TFEC: variants seen among roughly 807,000 people sequenced by gnomAD.
The protein encoded by TFEC is class E basic helix-loop-helix protein 34.
A neutral mutation model predicts 41.6 loss-of-function variants in TFEC; 31 were observed. The observed-to-expected ratio is 0.74, with a 90% CI of 0.56 to 1.01. TFEC has a LOEUF of 1.01. TFEC is among the 50% of genes least tolerant of loss of function. The pLI, the probability that TFEC is intolerant of heterozygous loss-of-function variation, is 0.00. For missense variants in TFEC, 402 were observed against 404.1 expected (o/e 0.99, Z 0.04); for synonymous variants, 143 against 140.6 (o/e 1.02, Z -0.12).
intron 1 of TFEC, among the ~76,000 whole-genome samples, chr7:116,112,940 C>T (rs1315957111): frequency 6.6e-6 from 1 of 151,906 alleles, no homozygotes; most frequent in African/African-American, 2.4e-5. Context: ...AGCTAGTGAG[C>T]TTGATTTTTA....
chr7:116,006,475 G>A (rs1273457155), intron 1 of TFEC, among the ~76,000 whole-genome samples: 1 of 152,136 alleles, frequency 6.6e-6, no homozygotes, highest in Admixed American at 6.5e-5. Context: ...ATTTGCATAG[G>A]GCCTGTAGCC....
At chr7:115,990,892 T>C (rs911418179) in intron 1 of TFEC, among the ~76,000 whole-genome samples, 16 of 152,114 alleles carry the variant, frequency 1.1e-4, no homozygotes, top group African/African-American at 3.9e-4. Context: ...GCCACAAAGA[T>C]ACTCCTCGAG....
chr7:116,148,037 T>G (rs1254145641), intron 1 of TFEC, among the ~76,000 whole-genome samples: 1 of 152,130 alleles, frequency 6.6e-6, no homozygotes, highest in East Asian at 1.9e-4. Flanking sequence ...GTCTACAAAT[T>G]TAAATAGGGC....
intron 3 of TFEC, among the ~76,000 whole-genome samples, chr7:115,958,748 G>C (rs190347202): frequency 6.6e-6 from 1 of 151,652 alleles, no homozygotes; most frequent in East Asian, 1.9e-4. Context: ...TTCTGATCTT[G>C]GTTATTGTCT....
intron 7 of TFEC, 25 bp from the exon 8 acceptor site, chr7:115,940,956 A>G (rs1441694709): frequency 6.5e-7 from 1 of 1,538,544 alleles, no homozygotes; most frequent in Non-Finnish European, 8.8e-7. Context: ...GAAAATCATT[A>G]AATAATGTCT....
intron 3 of TFEC, among the ~76,000 whole-genome samples, chr7:116,066,050 C>G (rs1168217760): frequency 2.6e-5 from 4 of 152,166 alleles, no homozygotes; most frequent in African/African-American, 9.7e-5. Flanking sequence ...AAGTAAGAAT[C>G]ACTGGCAAAT....
At chr7:116,010,645 A>G (rs1794965872) in intron 1 of TFEC, among the ~76,000 whole-genome samples, 1 of 152,198 alleles carries the variant, frequency 6.6e-6, no homozygotes, top group Admixed American at 6.5e-5. Flanking sequence ...TGAGATGGAC[A>G]TTGAAGGAAG....
At chr7:116,094,637 G>A (rs1797408238) in intron 3 of TFEC, among the ~76,000 whole-genome samples, 1 of 152,144 alleles carries the variant, frequency 6.6e-6, no homozygotes, top group South Asian at 2.1e-4. Context: ...CTCAGATTGA[G>A]CCACTGCACT....
At chr7:116,012,078 A>G (rs1300250852) in intron 1 of TFEC, among the ~76,000 whole-genome samples, 1 of 152,208 alleles carries the variant, frequency 6.6e-6, no homozygotes, top group Non-Finnish European at 1.5e-5. Flanking sequence ...CTGTATTTAA[A>G]TAAGTTAATA....
intron 1 of TFEC, among the ~76,000 whole-genome samples, chr7:116,016,530 C>A (rs1795196487): frequency 1.3e-5 from 2 of 152,066 alleles, no homozygotes; most frequent in African/African-American, 4.8e-5. Flanking sequence ...GCACTAAGCA[C>A]CTCCTCCTCC....
intron 3 of TFEC, among the ~76,000 whole-genome samples, chr7:115,960,513 A>G (rs941905586): frequency 1.3e-4 from 20 of 151,820 alleles, no homozygotes; most frequent in African/African-American, 4.8e-4. Context: ...TCCAAGATCA[A>G]AGATTGAGTG....
rs766745080 is a variant in TFEC at position 115,941,900 on chromosome 7, C to G, written c.656G>C (p.Arg219Pro). 1 of 1,612,902 alleles carries G rather than the reference C, an allele frequency of 6.2e-7. No homozygotes were observed. The highest frequency in any genetic ancestry group is 8.5e-7 in the Non-Finnish European group (1 of 1,179,356). Residue 219 changes from arginine (R) to proline (P), a missense_variant, in exon 7 of 8, where the codon CGG becomes CCG. Transcript: ENST00000265440. ...CTACATTCTTATAAAAACCTGAATC[C>G]GAAGTAGAAGTCGCCTGTTAGCCTG... ...LEQANRRLLL[R>P]IQELEIQART...
chr7:116,000,566 C>T (rs984898355), intron 1 of TFEC, among the ~76,000 whole-genome samples: 2 of 152,040 alleles, frequency 1.3e-5, no homozygotes, highest in Non-Finnish European at 2.9e-5. Flanking sequence ...CACAAAAAAG[C>T]TATTAGAACT....
At chr7:116,123,438 C>A (rs1029930851) in intron 1 of TFEC, among the ~76,000 whole-genome samples, 6 of 152,016 alleles carry the variant, frequency 3.9e-5, no homozygotes, top group African/African-American at 1.4e-4. Context: ...TTGAGTTCCT[C>A]ATCTTTTATG....
intron 3 of TFEC, among the ~76,000 whole-genome samples, chr7:115,970,038 T>A (rs1793062309): frequency 6.6e-6 from 1 of 152,002 alleles, no homozygotes; most frequent in Admixed American, 6.6e-5. Context: ...GTAGAATATA[T>A]AAGTCTGGCA....
intron 3 of TFEC, among the ~76,000 whole-genome samples, chr7:116,100,957 T>C (rs191410898): frequency 7.5e-4 from 114 of 152,162 alleles, no homozygotes; most frequent in Non-Finnish European, 1.3e-3. Context: ...TTTTTTTCCT[T>C]ATCTTTAGTG....
intron 1 of TFEC, among the ~76,000 whole-genome samples, chr7:116,158,265 G>A (rs1278925613): frequency 6.6e-6 from 1 of 152,018 alleles, no homozygotes; most frequent in East Asian, 1.9e-4. Context: ...CGAGCCTATA[G>A]AGTCTTTTTT....
At chr7:115,978,145 G>A (rs1793468085) in intron 2 of TFEC, among the ~76,000 whole-genome samples, 1 of 151,912 alleles carries the variant, frequency 6.6e-6, no homozygotes, top group African/African-American at 2.4e-5. Flanking sequence ...GTAATATTTT[G>A]TCTATAAGAG....
At chr7:116,130,045 A>AAC (rs56872188) in intron 1 of TFEC, among the ~76,000 whole-genome samples, 16,356 of 142,076 alleles carry the variant, frequency 0.12, 1,071 homozygotes, top group African/African-American at 0.17. Flanking sequence ...AACATGCAAG[A>AAC]ACACACACAC....
Sources: gnomAD v4.1 joint callset for allele counts (sites outside exome capture counted in the v4.1 genomes callset) on GRCh38, gnomAD v4.1.1 for gene constraint, MANE v1.5 for transcripts, NCBI Gene and HGNC (gene_info 2026-07-23, HGNC 2026-07-21) for gene names.